The following HDAC8 variants were observed in gnomAD, a reference collection of about 807,000 sequenced individuals.
The protein encoded by HDAC8 is histone deacetylase 8.
Under a neutral mutation model 32.2 loss-of-function variants are expected in HDAC8, and 1 was observed. That is an observed-to-expected ratio of 0.03 (90% CI 0.01 to 0.15). The LOEUF is 0.15. Ranked by LOEUF, HDAC8 falls within the 10% of genes least tolerant of loss-of-function variation. The pLI, the probability that HDAC8 is intolerant of heterozygous loss-of-function variation, is 1.00. For synonymous variants in HDAC8, 108 were observed against 113.9 expected (o/e 0.95, Z 0.33); for missense variants, 117 against 300.0 (o/e 0.39, Z 4.51).
chrX:72,329,792 TTG>T lies in HDAC8; in HGVS notation c.*260_*261del, dbSNP rs1314799945. On this transcript the variant is annotated 3_prime_UTR_variant, in exon 11 of 11. Coordinates refer to ENST00000373573, the MANE Select transcript of HDAC8 (RefSeq NM_018486.3). ...AATTTTCAAAGATTAAAAATTTCAT[TTG>T]TGTGTGTGTGTTTTTTTAAATAAGA... 90 of 1,091,167 alleles carry T rather than the reference TTG, an allele frequency of 8.2e-5. No individual in the cohort carries two copies. The highest frequency in any genetic ancestry group is 6.7e-4 in the African/African-American group (36 of 54,046). The allele number at this position is 1,091,167 out of a possible 1,213,427, so 89.9% of individuals were successfully genotyped here.
At chrX:72,409,999 TAGAA>T (rs1303650516) in intron 9 of HDAC8, among the ~76,000 whole-genome samples, 28 of 112,232 alleles carry the variant, frequency 2.5e-4, no homozygotes, top group African/African-American at 8.7e-4. Flanking sequence ...GCTAGTCAAT[TAGAA>T]AGAACAGAAG....
intron 10 of HDAC8, among the ~76,000 whole-genome samples, chrX:72,341,798 A>G (rs2043895440): frequency 8.9e-6 from 1 of 112,107 alleles, no homozygotes; most frequent in Non-Finnish European, 1.9e-5. Context: ...TAATGAAATT[A>G]AAGTTGTAAA....
intron 9 of HDAC8, among the ~76,000 whole-genome samples, chrX:72,438,314 C>T (rs1196944000): frequency 2.7e-5 from 3 of 111,953 alleles, no homozygotes; most frequent in East Asian, 2.8e-4. Flanking sequence ...ACAAAAAGGA[C>T]GTCCACACAT....
intron 4 of HDAC8, among the ~76,000 whole-genome samples, chrX:72,522,284 G>A (rs781905689): frequency 1.8e-5 from 2 of 112,509 alleles, no homozygotes; most frequent in African/African-American, 6.4e-5. Context: ...AGTAAGAAAT[G>A]AAAAAGTTTG....
At position 72,465,461 on chromosome X, in the gene HDAC8, G is replaced by A. The variant is rs189812224; in HGVS notation, c.738-730C>T. On this transcript the variant is annotated intron_variant, in intron 7 of 10. Transcript: ENST00000373573. ...TGATAGAACCCTTGTAGATGAAAAG[G>A]AAGATGTCAATGTGACAGATGACCT... Among the ~76,000 whole-genome samples the A allele has an allele frequency of 1.2e-3, 136 of 110,418 alleles. 2 individuals are homozygous for A. Among genetic ancestry groups the A allele is most frequent in the African/African-American group, 4.1e-3 (124 of 30,340 alleles).
intron 9 of HDAC8, among the ~76,000 whole-genome samples, chrX:72,437,026 A>T (rs111574035): frequency 3.3e-4 from 37 of 112,449 alleles, no homozygotes; most frequent in Middle Eastern, 4.6e-3. Context: ...CTAGAAAAAA[A>T]TAGAGGGAAC....
chrX:72,572,663 C>T lies in HDAC8; in HGVS notation c.99G>A (p.Lys33=). 1 of 1,053,865 alleles carries T rather than the reference C, an allele frequency of 9.5e-7. No homozygotes were observed. The highest frequency in any genetic ancestry group is 1.3e-6 in the Non-Finnish European group (1 of 797,844). 86.9% of individuals were successfully genotyped at this position (1,053,865 alleles called of 1,213,427 possible). ...CGACTTCCCTTACCCGTTTGGGGAT[C>T]TTGGCCAGGGAGTCACACATACTGA... ...EYVSMCDSLA[K]IPKRASMVHS... Residue 33 remains lysine (K), a synonymous_variant, in exon 1 of 11, where the codon AAG becomes AAA. Coordinates refer to ENST00000373573, the MANE Select transcript of HDAC8 (RefSeq NM_018486.3).
intron 9 of HDAC8, among the ~76,000 whole-genome samples, chrX:72,405,830 G>A (rs2046022072): frequency 9.0e-6 from 1 of 111,656 alleles, no homozygotes; most frequent in South Asian, 3.7e-4. Flanking sequence ...TTCAACTGAT[G>A]TATAAAGCTT....
chrX:72,352,902 C>T lies in HDAC8; in HGVS notation c.1006-1064G>A, dbSNP rs1335599150. 9.1e-4 allele frequency among the ~76,000 whole-genome samples: 101 copies of T among 111,508 alleles called. 4 individuals carry two copies. The highest frequency in any genetic ancestry group is 3.8e-5 in the Non-Finnish European group (2 of 53,137). On this transcript the variant is annotated intron_variant, in intron 9 of 10. Coordinates refer to ENST00000373573, the MANE Select transcript of HDAC8 (RefSeq NM_018486.3). The stretch of plus-strand genomic sequence containing the variant: ...TGGGAAATATGCAAAGCTACTATTT[C>T]TGTTTAGTTTTTAACAGAAATAGTA...
At chrX:72,465,711 G>A (rs998371788) in intron 7 of HDAC8, among the ~76,000 whole-genome samples, 1 of 111,750 alleles carries the variant, frequency 8.9e-6, no homozygotes, top group Non-Finnish European at 1.9e-5. Flanking sequence ...GATAAAAAAT[G>A]TTGAGGTTAA....
At chrX:72,421,267 GGTTT>G (rs782156625) in intron 9 of HDAC8, among the ~76,000 whole-genome samples, 53 of 111,130 alleles carry the variant, frequency 4.8e-4, no homozygotes, top group African/African-American at 1.7e-3. Flanking sequence ...TACATGTGGA[GGTTT>G]GTTACACAGG....
chrX:72,448,737 A>G (rs2047488325), intron 9 of HDAC8, among the ~76,000 whole-genome samples: 1 of 112,351 alleles, frequency 8.9e-6, no homozygotes, highest in African/African-American at 3.2e-5. Flanking sequence ...CAAATTTACA[A>G]GGAAAAAACA....
chrX:72,465,676 T>C (rs1176714424), intron 7 of HDAC8, among the ~76,000 whole-genome samples: 1 of 111,597 alleles, frequency 9.0e-6, no homozygotes, highest in East Asian at 2.8e-4. Context: ...TACATCAGAG[T>C]TGAGAAAATC....
chrX:72,445,083 A>G (rs2047337343), intron 9 of HDAC8, among the ~76,000 whole-genome samples: 1 of 110,135 alleles, frequency 9.1e-6, no homozygotes, highest in Non-Finnish European at 1.9e-5. Context: ...GGAAGAATCA[A>G]TATTGTGAAA....
At chrX:72,515,587 T>TGGGGGGGGG (rs61675419) in intron 4 of HDAC8, among the ~76,000 whole-genome samples, 33 of 33,721 alleles carry the variant, frequency 9.8e-4, no homozygotes, top group African/African-American at 1.5e-3. Flanking sequence ...TCAGTGTGTG[T>TGGGGGGGGG]GGGGGGGGGG....
rs926479540 is a variant in HDAC8, at chrX:72,329,642, C to T, written c.*412G>A. 4.3e-6 allele frequency: 5 copies of T among 1,174,911 alleles called. No individual in the cohort carries two copies. The highest frequency in any genetic ancestry group is 5.7e-6 in the Non-Finnish European group (5 of 876,903). The stretch of plus-strand genomic sequence containing the variant: ...CTCCCAGGGCTCCACCTGGATGGTC[C>T]TGAGGCCCAAACCCTGCCTGTCAGC... On this transcript the variant is annotated 3_prime_UTR_variant, in exon 11 of 11. Coordinates refer to ENST00000373573, the MANE Select transcript of HDAC8 (RefSeq NM_018486.3).
In HDAC8 at chrX:72,330,039, ATCTCTTTCTG is replaced by A; in HGVS notation, c.*5_*14del. On this transcript the variant is annotated 3_prime_UTR_variant, in exon 11 of 11. Coordinates refer to ENST00000373573, the MANE Select transcript of HDAC8 (RefSeq NM_018486.3). ...ACCACTCCTCAGCTCTGGAAACCTG[ATCTCTTTCTG>A]TCAACTAGACCACATGCTTCAGATT... 1 of 1,202,684 alleles carries A rather than the reference ATCTCTTTCTG, an allele frequency of 8.3e-7. No individual in the cohort carries two copies. The highest frequency in any genetic ancestry group is 1.1e-6 in the Non-Finnish European group (1 of 887,243).
chrX:72,559,030 TTCTCCCCCTCCC>T (rs2051385817), intron 4 of HDAC8, among the ~76,000 whole-genome samples: 1 of 51,570 alleles, frequency 1.9e-5, no homozygotes, highest in Non-Finnish European at 3.7e-5. Context: ...TATACCTAGC[TTCTCCCCCTCCC>T]CCTCCCCCTC....
chrX:72,485,302 T>A (rs1389585041), intron 7 of HDAC8, among the ~76,000 whole-genome samples: 1 of 111,753 alleles, frequency 8.9e-6, no homozygotes, highest in Non-Finnish European at 1.9e-5. Flanking sequence ...CCCTTGCCCT[T>A]AGAATTGAAT....
Sources: gnomAD v4.1 joint callset for allele counts (sites outside exome capture counted in the v4.1 genomes callset) on GRCh38, gnomAD v4.1.1 for gene constraint, MANE v1.5 for transcripts, NCBI Gene and HGNC (gene_info 2026-07-23, HGNC 2026-07-21) for gene names.